The following VPS37A variants were observed in gnomAD, a reference collection of about 807,000 sequenced individuals.
VPS37A encodes the protein vacuolar protein sorting-associated protein 37A.
Under a neutral mutation model 49.8 loss-of-function variants are expected in VPS37A, and 30 were observed. The observed-to-expected ratio is 0.60, with a 90% CI of 0.45 to 0.82. The LOEUF (loss-of-function observed/expected upper bound fraction) is 0.82, where lower values mean the gene tolerates loss of function less well. Ranked by LOEUF, VPS37A falls within the 40% of genes least tolerant of loss-of-function variation. The probability of loss-of-function intolerance (pLI) is 0.00; values close to 1 mark genes in which losing one functional copy is unlikely to be tolerated. For synonymous variants in VPS37A, 195 were observed against 160.6 expected, an observed-to-expected ratio of 1.21 and a Z score of -1.62; for missense variants, 593 against 464.4, an observed-to-expected ratio of 1.28 and a Z score of -2.55.
chr8:17,272,511 G>A (rs7018019), intron 4 of VPS37A, among the ~76,000 whole-genome samples: 1 of 151,956 alleles, frequency 6.6e-6, no homozygotes, highest in East Asian at 1.9e-4. Context: ...AGATAAGTTC[G>A]GGGATATAGT....
rs17502618 is a variant in VPS37A, at chr8:17,274,932, A to G, written c.616A>G (p.Ile206Val). ...FGVLSNLPLP[I>V]PTVDASIPTS... ...TGTCCTTTCAAATCTGCCATTACCC[A>G]TTCCCACAGTGGATGCTTCAATACC... The change falls in exon 5 of 12, where the codon ATT (isoleucine) becomes GTT (valine). Residue 206 changes from isoleucine to valine, a missense_variant. Ile to Val is a conservative substitution (Grantham distance 29, BLOSUM62 3). Coordinates refer to ENST00000324849, the MANE Select transcript of VPS37A (RefSeq NM_152415.3). 2.5e-6 allele frequency: 4 copies of G among 1,613,990 alleles called. No individual in the cohort carries two copies. The highest frequency in any genetic ancestry group is 2.7e-5 in the African/African-American group (2 of 74,924).
rs796895178 is a variant in VPS37A at position 17,257,887 on chromosome 8, A to G, written c.126-8020A>G. On this transcript the variant is annotated intron_variant, in intron 1 of 11. Transcript: ENST00000324849. ...GGTAAAATTGTTTGCTAGGTATTTT[A>G]TATTCTTTGTAACTATTGTAACTAG... Among the ~76,000 whole-genome samples, 35 of 152,120 alleles carry G rather than the reference A, an allele frequency of 2.3e-4. 1 individual carries two copies. The highest frequency in any genetic ancestry group is 8.2e-4 in the African/African-American group (34 of 41,486).
intron 3 of VPS37A, among the ~76,000 whole-genome samples, chr8:17,268,592 C>A (rs998006904): frequency 6.6e-6 from 1 of 151,960 alleles, no homozygotes; most frequent in African/African-American, 2.4e-5. Context: ...ACCTTTGAAC[C>A]CTCAAATTAT....
chr8:17,314,281 C>A, the VPS37A span, among the ~76,000 whole-genome samples: 1 of 152,056 alleles, frequency 6.6e-6, no homozygotes, highest in Non-Finnish European at 1.5e-5. Flanking sequence ...TCATAGATTT[C>A]TTTTTATTTT....
At chr8:17,271,088 T>A (rs1388241713) in intron 4 of VPS37A, among the ~76,000 whole-genome samples, 3 of 152,206 alleles carry the variant, frequency 2.0e-5, no homozygotes, top group Non-Finnish European at 2.9e-5. Flanking sequence ...TTGTTTTTTT[T>A]ATTAAGACTT....
chr8:17,325,104 G>A, the VPS37A span, among the ~76,000 whole-genome samples: 3 of 152,004 alleles, frequency 2.0e-5, no homozygotes, highest in Non-Finnish European at 2.9e-5. Flanking sequence ...AGAATGTGTC[G>A]AGCAAAAGGG....
chr8:17,247,529 CT>C, intron 1 of VPS37A, 160 bp downstream of exon 1: 3 of 1,043,074 alleles, frequency 2.9e-6, no homozygotes, highest in Non-Finnish European at 4.2e-6. Flanking sequence ...CTCCTGCCCC[CT>C]TTTACTGTTT....
At chr8:17,302,347 T>A (rs1365705308), downstream of VPS37A, 3 of 1,525,628 alleles carry the variant, frequency 2.0e-6, no homozygotes, top group Non-Finnish European at 2.6e-6. Flanking sequence ...TCCTCAAGTC[T>A]TCTAAGGTAT....
At chr8:17,284,374 TA>T in intron 9 of VPS37A, 98 bp from the exon 10 acceptor site, 1 of 1,381,572 alleles carries the variant, frequency 7.2e-7, no homozygotes, top group Non-Finnish European at 9.6e-7. Flanking sequence ...ATAGGGCATA[TA>T]ATAAATTGCC....
At chr8:17,267,880 G>A (rs1048740784) in intron 2 of VPS37A, among the ~76,000 whole-genome samples, 1 of 152,110 alleles carries the variant, frequency 6.6e-6, no homozygotes, top group African/African-American at 2.4e-5. Flanking sequence ...GCTAGAACCT[G>A]TGGTCCAATA....
the VPS37A span, among the ~76,000 whole-genome samples, chr8:17,310,157 C>A: frequency 1.3e-5 from 2 of 151,984 alleles, no homozygotes; most frequent in African/African-American, 4.8e-5. Context: ...TCCACCACAC[C>A]TGGCTAATTT....
chr8:17,247,414 AGGGC>A, intron 1 of VPS37A, 45 bp downstream of exon 1: 5 of 65,292 alleles, frequency 7.7e-5, no homozygotes, highest in African/African-American at 4.6e-4. Context: ...GTAGGGTGGG[AGGGC>A]GGGCTTGTCC....
downstream of VPS37A, among the ~76,000 whole-genome samples, chr8:17,303,981 C>T (rs1007629070): frequency 5.9e-5 from 9 of 152,068 alleles, no homozygotes; most frequent in African/African-American, 1.9e-4. Flanking sequence ...CGGTTTTTGC[C>T]TTTTTGTTGT....
At chr8:17,321,356 G>GCTCT in the VPS37A span, among the ~76,000 whole-genome samples, 2 of 152,180 alleles carry the variant, frequency 1.3e-5, no homozygotes, top group African/African-American at 4.8e-5. Flanking sequence ...GGCTGCTGTG[G>GCTCT]CTCTCACCAT....
chr8:17,262,785 G>C (rs778422661), intron 1 of VPS37A, among the ~76,000 whole-genome samples: 3 of 151,924 alleles, frequency 2.0e-5, no homozygotes, highest in African/African-American at 7.3e-5. Flanking sequence ...ATTGTAGGCC[G>C]GACACGGTGA....
chr8:17,286,391 G>T lies in VPS37A; in HGVS notation c.1158G>T (p.Ala386=), dbSNP rs545548916. The part of the protein sequence containing the change: ...RRAKEEKLQQ[A]IAMHSQFHAP... ...CCAAGGAAGAGAAACTTCAGCAGGC[G>T]ATAGCAATGCACAGCCAATTTCATG... Residue 386 remains alanine, a synonymous_variant, in exon 11 of 12, where the codon GCG becomes GCT. Coordinates refer to ENST00000324849, the MANE Select transcript of VPS37A (RefSeq NM_152415.3). The T allele has an allele frequency of 1.9e-6, 3 of 1,613,828 alleles. No individual in the cohort carries two copies. In the South Asian group the frequency reaches 3.3e-5, roughly 18 times the overall value.
chr8:17,273,359 C>G (rs540186181), intron 4 of VPS37A, among the ~76,000 whole-genome samples: 2 of 152,164 alleles, frequency 1.3e-5, no homozygotes, highest in Non-Finnish European at 2.9e-5. Flanking sequence ...CAAAATTGCC[C>G]TCCAGAGTAG....
At chr8:17,248,686 T>C (rs1811689470) in intron 1 of VPS37A, among the ~76,000 whole-genome samples, 2 of 152,206 alleles carry the variant, frequency 1.3e-5, no homozygotes, top group African/African-American at 4.8e-5. Flanking sequence ...ATAGTCTAGT[T>C]AATAGAAAAA....
At chr8:17,294,108 C>A (rs1222171139) in intron 11 of VPS37A, among the ~76,000 whole-genome samples, 1 of 152,226 alleles carries the variant, frequency 6.6e-6, no homozygotes, top group African/African-American at 2.4e-5. Flanking sequence ...TATCTATAAG[C>A]CCCTGACTGG....
Sources: allele counts gnomAD v4.1 joint callset (sites outside exome capture counted in the v4.1 genomes callset), GRCh38; gene constraint gnomAD v4.1.1; transcripts MANE v1.5; gene names NCBI Gene and HGNC (gene_info 2026-07-23, HGNC 2026-07-21).